Variants in IMPG1 observed in about 807,000 individuals in gnomAD.
IMPG1 encodes the protein interphotoreceptor matrix proteoglycan of 150 kDa.
Under a neutral mutation model 92.0 loss-of-function variants are expected in IMPG1, and 85 were observed. The ratio of observed to expected loss-of-function variants is 0.92; its 90% CI spans 0.78 to 1.11. IMPG1 has a LOEUF of 1.11. Ranked by LOEUF, IMPG1 falls within the 50% of genes least tolerant of loss-of-function variation. IMPG1 has a pLI of 0.00. For missense variants in IMPG1, 1,022 were observed against 956.0 expected (o/e 1.07, Z -0.91); for synonymous variants, 367 against 334.1 (o/e 1.10, Z -1.08).
chr6:75,972,519 A>T (rs922215344), intron 12 of IMPG1, among the ~76,000 whole-genome samples: 1 of 151,464 alleles, frequency 6.6e-6, no homozygotes, highest in Non-Finnish European at 1.5e-5. Context: ...CCTGCTGTCC[A>T]CTCTTTCTCA....
At chr6:75,978,920 G>A (rs1299670783) in intron 12 of IMPG1, among the ~76,000 whole-genome samples, 2 of 151,838 alleles carry the variant, frequency 1.3e-5, no homozygotes, top group East Asian at 3.9e-4. Flanking sequence ...CACTTTTTTG[G>A]GGGGTGGGGA....
chr6:76,029,344 A>G (rs1276756893), intron 4 of IMPG1, among the ~76,000 whole-genome samples: 1 of 152,234 alleles, frequency 6.6e-6, no homozygotes, highest in Admixed American at 6.5e-5. Flanking sequence ...AGGCTTATGT[A>G]GAAATAATTA....
At chr6:76,036,287 T>A (rs1040312232) in intron 2 of IMPG1, among the ~76,000 whole-genome samples, 2 of 152,162 alleles carry the variant, frequency 1.3e-5, no homozygotes, top group African/African-American at 2.4e-5. Context: ...ACCAAAGCAA[T>A]CACTTTGATC....
At chr6:76,026,713 T>C (rs1783544287) in intron 4 of IMPG1, among the ~76,000 whole-genome samples, 1 of 152,238 alleles carries the variant, frequency 6.6e-6, no homozygotes, top group Non-Finnish European at 1.5e-5. Context: ...TTAAATGTTT[T>C]TTTTTCTTTT....
At chr6:75,947,017 A>G (rs1340894671) in intron 14 of IMPG1, among the ~76,000 whole-genome samples, 1 of 152,170 alleles carries the variant, frequency 6.6e-6, no homozygotes, top group African/African-American at 2.4e-5. Context: ...ACATTAAAAA[A>G]AACTCTTAAA....
intron 1 of IMPG1, among the ~76,000 whole-genome samples, chr6:76,051,985 A>G (rs878873464): frequency 1.3e-5 from 2 of 149,950 alleles, no homozygotes; most frequent in South Asian, 4.2e-4. Context: ...ACACACAAGA[A>G]AAAAAAAAAG....
intron 12 of IMPG1, among the ~76,000 whole-genome samples, chr6:76,002,157 T>C (rs571025453): frequency 3.3e-5 from 5 of 152,336 alleles, no homozygotes; most frequent in African/African-American, 4.8e-5. Flanking sequence ...TTGTGTTTTT[T>C]ACTTGTAGTT....
chr6:75,926,248 A>G (rs960692595), intron 15 of IMPG1, among the ~76,000 whole-genome samples: 1 of 152,206 alleles, frequency 6.6e-6, no homozygotes, highest in African/African-American at 2.4e-5. Context: ...TCAAATTATT[A>G]ATCAGGTGGA....
At chr6:76,006,054 T>G (rs1783091232) in intron 9 of IMPG1, among the ~76,000 whole-genome samples, 1 of 152,076 alleles carries the variant, frequency 6.6e-6, no homozygotes, top group African/African-American at 2.4e-5. Context: ...GGTTTCAAAC[T>G]CATGGCTCAA....
At position 75,921,663 on chromosome 6, in the gene IMPG1, C is replaced by T. The variant is rs1781432025; in HGVS notation, c.*426G>A. 1 of 184,050 alleles carries T rather than the reference C, an allele frequency of 5.4e-6. No individual in the cohort carries two copies. Among genetic ancestry groups the T allele is most frequent in the African/African-American group, 2.4e-5 (1 of 41,602 alleles). 11.4% of individuals were successfully genotyped at this position (184,050 alleles called of 1,614,324 possible). A position where few individuals can be genotyped will look rare whatever the true frequency, so the allele number is the denominator to read the frequency against. On this transcript the variant is annotated 3_prime_UTR_variant, in exon 17 of 17. Coordinates refer to ENST00000369950, the MANE Select transcript of IMPG1 (RefSeq NM_001563.4). ...TGCGTTTAGAGAGACCTGCATCTCC[C>T]TGCGTAAGTAGTCATCTTTTAAATG...
At chr6:76,016,322 A>T (rs1364181019) in intron 7 of IMPG1, among the ~76,000 whole-genome samples, 5 of 152,242 alleles carry the variant, frequency 3.3e-5, no homozygotes, top group Admixed American at 3.3e-4. Context: ...GTGTTTAGAA[A>T]ATTGACAATA....
chr6:75,974,337 T>TTC (rs1181587502), intron 12 of IMPG1, among the ~76,000 whole-genome samples: 1 of 68,874 alleles, frequency 1.5e-5, no homozygotes, highest in Admixed American at 1.7e-4. Context: ...TTCCCTTTCT[T>TTC]TCTTTCTTTC....
intron 10 of IMPG1, 27 bp from the exon 11 acceptor site, chr6:76,003,977 A>C (rs1457191660): frequency 6.4e-7 from 1 of 1,557,996 alleles, no homozygotes; most frequent in South Asian, 1.1e-5. Flanking sequence ...ACAAGATTTG[A>C]ATGTATCTTT....
intron 12 of IMPG1, among the ~76,000 whole-genome samples, chr6:75,966,188 G>A (rs1001793641): frequency 1.4e-4 from 21 of 152,112 alleles, no homozygotes; most frequent in African/African-American, 5.1e-4. Context: ...CACTTAGGAG[G>A]AAAAGTACAT....
At chr6:76,020,250 C>A (rs926269548) in intron 6 of IMPG1, among the ~76,000 whole-genome samples, 8 of 151,954 alleles carry the variant, frequency 5.3e-5, no homozygotes, top group Non-Finnish European at 7.4e-5. Context: ...ATGGGGTCTC[C>A]CAGTCTCGCC....
chr6:76,033,739 T>C (rs1582119186), intron 4 of IMPG1, among the ~76,000 whole-genome samples: 1 of 152,260 alleles, frequency 6.6e-6, no homozygotes, highest in East Asian at 1.9e-4. Flanking sequence ...AAGATGTATG[T>C]AATTTGTGAG....
chr6:75,923,045 A>G (rs140592850), intron 16 of IMPG1, among the ~76,000 whole-genome samples: 1 of 152,208 alleles, frequency 6.6e-6, no homozygotes, highest in African/African-American at 2.4e-5. Context: ...CCCCAAAGTT[A>G]TTTTAAAAAA....
chr6:75,990,588 TACACAC>T (rs112985372), intron 12 of IMPG1, among the ~76,000 whole-genome samples: 9 of 144,912 alleles, frequency 6.2e-5, no homozygotes, highest in East Asian at 2.1e-4. Flanking sequence ...ACCCCACCTC[TACACAC>T]ACACACACAC....
intron 12 of IMPG1, among the ~76,000 whole-genome samples, chr6:76,002,203 G>A (rs1202963142): frequency 6.6e-6 from 1 of 152,140 alleles, no homozygotes; most frequent in African/African-American, 2.4e-5. Context: ...AAGAATAGGG[G>A]TTCTTGGAGC....
Sources: allele counts gnomAD v4.1 joint callset (sites outside exome capture counted in the v4.1 genomes callset), GRCh38; gene constraint gnomAD v4.1.1; transcripts MANE v1.5; gene names NCBI Gene and HGNC (gene_info 2026-07-23, HGNC 2026-07-21).